LAMA2: variants seen among roughly 807,000 people sequenced by gnomAD.
LAMA2 encodes the protein laminin subunit alpha-2.
In LAMA2, 269 loss-of-function variants were observed where a neutral mutation model predicts 364.8. The ratio of observed to expected loss-of-function variants is 0.74; its 90% confidence interval spans 0.67 to 0.82. The LOEUF (loss-of-function observed/expected upper bound fraction) is 0.82, where lower values mean the gene tolerates loss of function less well. Ranked by LOEUF, LAMA2 falls within the 40% of genes least tolerant of loss-of-function variation. The pLI, the probability that LAMA2 is intolerant of heterozygous loss-of-function variation, is 0.00. For synonymous variants in LAMA2, 1,379 were observed against 1,370.6 expected (o/e 1.01, Z -0.14); for missense variants, 3,807 against 3,873.2 (o/e 0.98, Z 0.45).
At chr6:129,083,578 TG>T (rs1249118540) in intron 3 of LAMA2, among the ~76,000 whole-genome samples, 1 of 152,166 alleles carries the variant, frequency 6.6e-6, no homozygotes, top group East Asian at 1.9e-4. Context: ...TGACTGTTGA[TG>T]GGGGAATTAT....
intron 1 of LAMA2, among the ~76,000 whole-genome samples, chr6:128,948,866 A>T (rs1475180132): frequency 6.6e-6 from 1 of 152,180 alleles, no homozygotes; most frequent in Non-Finnish European, 1.5e-5. Flanking sequence ...CCCTCACCAG[A>T]ATCAGATGTC....
At chr6:129,273,889 T>A (rs1055767415) in intron 17 of LAMA2, among the ~76,000 whole-genome samples, 2 of 151,820 alleles carry the variant, frequency 1.3e-5, no homozygotes, top group Non-Finnish European at 2.9e-5. Context: ...AAGCAATTAA[T>A]AATTATTAGT....
At chr6:129,206,839 C>T (rs1337646995) in intron 12 of LAMA2, among the ~76,000 whole-genome samples, 1 of 152,220 alleles carries the variant, frequency 6.6e-6, no homozygotes, top group Non-Finnish European at 1.5e-5. Context: ...AATTATTAAA[C>T]AGGTAGTTTG....
At chr6:129,329,108 G>A (rs1042372737) in intron 29 of LAMA2, among the ~76,000 whole-genome samples, 1 of 152,048 alleles carries the variant, frequency 6.6e-6, no homozygotes, top group African/African-American at 2.4e-5. Context: ...AGAAATTCAG[G>A]TTGCCCCTGT....
chr6:129,513,560 C>G (rs1049038979), intron 63 of LAMA2, among the ~76,000 whole-genome samples: 3 of 152,126 alleles, frequency 2.0e-5, no homozygotes, highest in African/African-American at 7.2e-5. Flanking sequence ...CACCTATTTA[C>G]TTGCATTTTT....
rs1176274179 is a variant in LAMA2, at chr6:129,059,814, G to T, written c.314G>T (p.Gly105Val). The T allele has an allele frequency of 1.9e-6, 3 of 1,609,554 alleles. No individual in the cohort carries two copies. The highest frequency in any genetic ancestry group is 2.6e-6 in the Non-Finnish European group (3 of 1,176,056). ...CACCCGATTACAAATGCTATTGATG[G>T]AAAGAACACTTGGTGGCAGAGTCCC... is the stretch of plus-strand genomic sequence containing the variant. The part of the protein sequence containing the change: ...QRHPITNAID[G>V]KNTWWQSPSI... The change falls in exon 3 of 65, where the codon GGA becomes GTA. Residue 105 changes from glycine (G) to valine (V), a missense_variant. Gly to Val is a moderately radical substitution (Grantham distance 109, BLOSUM62 -3). Transcript: ENST00000421865.
At position 129,260,823 on chromosome 6, in the gene LAMA2, G is replaced by A; in HGVS notation, c.2208+1G>A. The A allele has an allele frequency of 6.4e-7, 1 of 1,554,668 alleles. No homozygotes were observed. Among genetic ancestry groups the A allele is most frequent in the Non-Finnish European group, 8.9e-7 (1 of 1,126,142 alleles). ...AGGGTATACTGGCTCCTCTTGTGAA[G>A]TAAGCTTGCAAGAATGTATCCTTAG... On this transcript the variant is annotated splice_donor_variant, in intron 15 of 64. Transcript: ENST00000421865. LOFTEE classifies it high-confidence loss of function.
intron 51 of LAMA2, among the ~76,000 whole-genome samples, chr6:129,472,069 T>C (rs1048113207): frequency 6.6e-6 from 1 of 151,974 alleles, no homozygotes; most frequent in Non-Finnish European, 1.5e-5. Flanking sequence ...TTGCTCTATG[T>C]CCTTCTCTAG....
intron 1 of LAMA2, among the ~76,000 whole-genome samples, chr6:128,886,992 G>C (rs185616447): frequency 2.0e-5 from 3 of 152,270 alleles, no homozygotes; most frequent in Non-Finnish European, 4.4e-5. Flanking sequence ...ATTGCTTTTA[G>C]AGTGCATACT....
intron 4 of LAMA2, among the ~76,000 whole-genome samples, chr6:129,124,814 C>A (rs73599008): frequency 1.3e-5 from 2 of 152,168 alleles, no homozygotes; most frequent in African/African-American, 2.4e-5. Context: ...TAGATCATTT[C>A]AACAACTCAA....
At chr6:128,911,279 A>C (rs374768440) in intron 1 of LAMA2, among the ~76,000 whole-genome samples, 25 of 152,086 alleles carry the variant, frequency 1.6e-4, no homozygotes, top group African/African-American at 6.0e-4. Flanking sequence ...CTGTGCTAGC[A>C]ATCAGTGAGA....
At chr6:129,084,272 GT>G (rs1344551333) in intron 3 of LAMA2, among the ~76,000 whole-genome samples, 26 of 152,076 alleles carry the variant, frequency 1.7e-4, no homozygotes, top group African/African-American at 5.6e-4. Flanking sequence ...CCATTTGAAT[GT>G]TCTCTTTTCA....
intron 32 of LAMA2, among the ~76,000 whole-genome samples, chr6:129,364,761 A>G (rs1394527375): frequency 4.6e-5 from 7 of 152,192 alleles, no homozygotes; most frequent in Admixed American, 2.6e-4. Flanking sequence ...TCGTATTGCT[A>G]TAAAGAAATG....
chr6:128,981,766 T>C (rs533926001), intron 1 of LAMA2, among the ~76,000 whole-genome samples: 1 of 151,924 alleles, frequency 6.6e-6, no homozygotes, highest in South Asian at 2.1e-4. Context: ...AAAATAATAA[T>C]AATAATACTG....
Position 129,512,350 on chromosome 6 carries a change from C to G in LAMA2, c.8858-13C>G. 2 of 1,612,452 alleles carry G rather than the reference C, an allele frequency of 1.2e-6. No individual in the cohort carries two copies. Among genetic ancestry groups the G allele is most frequent in the Non-Finnish European group, 8.5e-7 (1 of 1,178,714 alleles). On this transcript the variant is annotated splice_polypyrimidine_tract_variant and intron_variant, in intron 62 of 64. Transcript: ENST00000421865. ...CCTCTAATCCAAAATATTTTAAAAT[C>G]TTCATTTTACAGTTGGTGGATTCAA...
intron 1 of LAMA2, among the ~76,000 whole-genome samples, chr6:128,987,085 C>T (rs6906203): frequency 0.34 from 51,251 of 148,722 alleles, 10,543 homozygotes; most frequent in African/African-American, 0.58. Context: ...GTTTTGTGCA[C>T]GTGTCTTTTG....
chr6:129,311,375 C>G (rs1380275185), intron 22 of LAMA2, among the ~76,000 whole-genome samples: 1 of 152,164 alleles, frequency 6.6e-6, no homozygotes, highest in Admixed American at 6.5e-5. Context: ...CCCTCCTCGG[C>G]CTCCCAAAGT....
At chr6:129,119,168 T>G (rs911439245) in intron 4 of LAMA2, among the ~76,000 whole-genome samples, 1 of 152,234 alleles carries the variant, frequency 6.6e-6, no homozygotes, top group East Asian at 1.9e-4. Flanking sequence ...GTGTTCTTGT[T>G]ATATTACATA....
intron 6 of LAMA2, among the ~76,000 whole-genome samples, chr6:129,147,493 A>G (rs1450955701): frequency 6.6e-6 from 1 of 151,862 alleles, no homozygotes; most frequent in Non-Finnish European, 1.5e-5. Context: ...GGCAGGGGCA[A>G]TAAGGGGGTG....
Sources: allele counts gnomAD v4.1 joint callset (sites outside exome capture counted in the v4.1 genomes callset), GRCh38; gene constraint gnomAD v4.1.1; transcripts MANE v1.5; gene names NCBI Gene and HGNC (gene_info 2026-07-23, HGNC 2026-07-21).